GRB2: variants seen among roughly 807,000 people sequenced by gnomAD.
GRB2 encodes the protein growth factor receptor-bound protein 2.
A neutral mutation model predicts 27.4 loss-of-function variants in GRB2; 2 were observed. The observed-to-expected ratio is 0.07, with a 90% confidence interval of 0.03 to 0.23. The LOEUF (loss-of-function observed/expected upper bound fraction) is 0.23. Ranked by LOEUF, GRB2 falls within the 10% of genes least tolerant of loss-of-function variation. The probability of loss-of-function intolerance (pLI) is 1.00; values close to 1 mark genes in which losing one functional copy is unlikely to be tolerated. For missense variants in GRB2, 102 were observed against 282.4 expected, an observed-to-expected ratio of 0.36 and a Z score of 4.58; for synonymous variants, 94 against 99.6, an observed-to-expected ratio of 0.94 and a Z score of 0.33.
Position 75,319,481 on chromosome 17 carries a change from C to T in GRB2, c.*887G>A, listed in dbSNP as rs2078442405. On this transcript the variant is annotated 3_prime_UTR_variant, in exon 6 of 6. Coordinates refer to ENST00000316804, the MANE Select transcript of GRB2 (RefSeq NM_002086.5). ...TTTTTTTTTGAGACGGAATCTCGCT[C>T]TGTCACCCAGGCTGGAGTACAATGG... 6.9e-6 allele frequency: 1 copy of T among 145,850 alleles called. No homozygotes were observed. Among genetic ancestry groups the T allele is most frequent in the South Asian group, 2.2e-4 (1 of 4,622 alleles). 9.0% of individuals were successfully genotyped at this position (145,850 alleles called of 1,614,324 possible). A position where few individuals can be genotyped will look rare whatever the true frequency, so the allele number is the denominator to read the frequency against.
rs549890433 is a variant in GRB2 at position 75,352,336 on chromosome 17, G to C, written c.79-19539C>G. On this transcript the variant is annotated intron_variant, in intron 2 of 5. Coordinates refer to ENST00000316804, the MANE Select transcript of GRB2 (RefSeq NM_002086.5). ...CTCCATGTGAAAAATCAGCACTTTT[G>C]TCCCACAGAACTGTCACAACCTGCA... 2.6e-5 allele frequency among the ~76,000 whole-genome samples: 4 copies of C among 152,304 alleles called. No individual in the cohort carries two copies. In the South Asian group the frequency reaches 8.3e-4, roughly 32 times the overall value.
At chr17:75,368,470 C>T (rs938380869) in intron 2 of GRB2, among the ~76,000 whole-genome samples, 3 of 151,404 alleles carry the variant, frequency 2.0e-5, no homozygotes, top group African/African-American at 7.3e-5. Context: ...GTGATCCATC[C>T]GCCTCAGCCT....
chr17:75,332,816 A>G lies in GRB2; in HGVS notation c.79-19T>C. ...TCAAAACCTGAAAAGAAATAAGACA[A>G]CAAAAAAACCCAATCATTTCCTTTT... is the stretch of plus-strand genomic sequence containing the variant. On this transcript the variant is annotated intron_variant, in intron 2 of 5. Transcript: ENST00000316804. 6.8e-7 allele frequency: 1 copy of G among 1,462,122 alleles called. No individual in the cohort carries two copies. The highest frequency in any genetic ancestry group is 9.5e-7 in the Non-Finnish European group (1 of 1,049,408). The allele number at this position is 1,462,122 out of a possible 1,614,324, so 90.6% of individuals were successfully genotyped here.
At chr17:75,337,889 C>CTAT (rs2078589608) in intron 2 of GRB2, among the ~76,000 whole-genome samples, 3 of 125,414 alleles carry the variant, frequency 2.4e-5, no homozygotes, top group African/African-American at 9.4e-5. Context: ...ACTACTACTA[C>CTAT]TACTACTACT....
chr17:75,329,247 C>T (rs1023785850), intron 3 of GRB2, among the ~76,000 whole-genome samples: 2 of 152,066 alleles, frequency 1.3e-5, no homozygotes, highest in African/African-American at 4.8e-5. Context: ...GATCTCTCCA[C>T]TAGGGAGGTT....
chr17:75,353,758 G>A (rs1283864403), intron 2 of GRB2, among the ~76,000 whole-genome samples: 1 of 148,872 alleles, frequency 6.7e-6, no homozygotes, highest in Non-Finnish European at 1.5e-5. Context: ...AAAAATTCTG[G>A]CCAGGTACAG....
chr17:75,324,105 G>A lies in GRB2; in HGVS notation c.299+1793C>T, dbSNP rs187358363. Among the ~76,000 whole-genome samples the A allele has an allele frequency of 5.9e-4, 89 of 151,112 alleles. 1 individual carries two copies. Among genetic ancestry groups the A allele is most frequent in the Middle Eastern group, 3.4e-3 (1 of 290 alleles). On this transcript the variant is annotated intron_variant, in intron 4 of 5. Transcript: ENST00000316804. ...GATTACAGGCATGAGCCACCATGCC[G>A]GGCCACAACTATAAATTTAAAATCT...
intron 1 of GRB2, among the ~76,000 whole-genome samples, chr17:75,395,163 T>C (rs2079022085): frequency 6.6e-6 from 1 of 152,144 alleles, no homozygotes; most frequent in Non-Finnish European, 1.5e-5. Flanking sequence ...ATGGACCAAG[T>C]AGTAAAGCAG....
chr17:75,325,825 AC>A, intron 4 of GRB2, 72 bp downstream of exon 4: 1 of 1,495,254 alleles, frequency 6.7e-7, no homozygotes, highest in Non-Finnish European at 9.3e-7. Context: ...GTAGCCAGGC[AC>A]CTGACCAACG....
rs1397641340 is a variant in GRB2, at chr17:75,332,762, C to T, written c.114G>A (p.Lys38=). The T allele has an allele frequency of 6.2e-7, 1 of 1,611,896 alleles. No individual in the cohort carries two copies. The highest frequency in any genetic ancestry group is 8.5e-7 in the Non-Finnish European group (1 of 1,178,618). ...LNEECDQNWY[K]AELNGKDGFI... is the part of the protein sequence containing the mutation. ...AGCCGTCTTTTCCATTAAGCTCTGC[C>T]TTGTACCAGTTCTGATCACATTCTT... Residue 38 remains lysine, a synonymous_variant, in exon 3 of 6, where the codon AAG becomes AAA. Coordinates refer to ENST00000316804, the MANE Select transcript of GRB2 (RefSeq NM_002086.5).
intron 2 of GRB2, among the ~76,000 whole-genome samples, chr17:75,365,297 C>CAAAACAAACAA (rs1175535790): frequency 6.6e-6 from 1 of 152,004 alleles, no homozygotes; most frequent in Non-Finnish European, 1.5e-5. Flanking sequence ...TTTCTCAAAA[C>CAAAACAAACAA]AAAACAAACA....
intron 2 of GRB2, among the ~76,000 whole-genome samples, chr17:75,382,176 T>C (rs904148064): frequency 6.0e-5 from 9 of 151,152 alleles, no homozygotes; most frequent in Non-Finnish European, 1.3e-4. Flanking sequence ...TGAGCCGAGA[T>C]CGCGCCACTG....
At chr17:75,328,329 A>AT (rs929509277) in intron 3 of GRB2, among the ~76,000 whole-genome samples, 2 of 151,346 alleles carry the variant, frequency 1.3e-5, no homozygotes, top group Non-Finnish European at 2.9e-5. Context: ...GTCTCAAAAA[A>AT]ATATATAAAT....
intron 2 of GRB2, among the ~76,000 whole-genome samples, chr17:75,336,163 A>T (rs993246696): frequency 7.2e-5 from 11 of 152,266 alleles, no homozygotes; most frequent in Non-Finnish European, 1.3e-4. Context: ...GACCTTATAA[A>T]GCATCATCCT....
chr17:75,337,904 T>TACTACTACTACTACTACTAC (rs758924250), intron 2 of GRB2, among the ~76,000 whole-genome samples: 5 of 103,490 alleles, frequency 4.8e-5, no homozygotes, highest in Non-Finnish European at 7.9e-5. Flanking sequence ...ACTACTACTA[T>TACTACTACTACTACTACTAC]TATTATTATT....
At chr17:75,389,621 C>T (rs546672715) in intron 2 of GRB2, among the ~76,000 whole-genome samples, 2 of 152,196 alleles carry the variant, frequency 1.3e-5, no homozygotes, top group East Asian at 1.9e-4. Flanking sequence ...CCGAGACGGG[C>T]GGATCACCAG....
At chr17:75,348,811 G>C (rs1451081817) in intron 2 of GRB2, among the ~76,000 whole-genome samples, 2 of 152,148 alleles carry the variant, frequency 1.3e-5, no homozygotes, top group Non-Finnish European at 2.9e-5. Flanking sequence ...GAGTAGCTGG[G>C]ACTACAGGTG....
intron 2 of GRB2, among the ~76,000 whole-genome samples, chr17:75,375,782 T>G (rs2078888709): frequency 6.6e-6 from 1 of 151,852 alleles, no homozygotes; most frequent in Admixed American, 6.6e-5. Flanking sequence ...TCCCAACACT[T>G]TGGGAGGCAG....
Position 75,388,811 on chromosome 17 carries a change from T to C in GRB2, c.78+4740A>G, listed in dbSNP as rs1225446716. On this transcript the variant is annotated intron_variant, in intron 2 of 5. Coordinates refer to ENST00000316804, the MANE Select transcript of GRB2 (RefSeq NM_002086.5). ...GCACTGAAACTCAGGACTTATAACTTGTGAAAACTCTAACCAACCAAACTA... is the reference window on the plus strand; with the variant it reads ...GCACTGAAACTCAGGACTTATAACTCGTGAAAACTCTAACCAACCAAACTA... Among the ~76,000 whole-genome samples, 4 of 152,280 alleles carry C rather than the reference T, an allele frequency of 2.6e-5. No homozygotes were observed. In the South Asian group the frequency reaches 8.3e-4, roughly 32 times the overall value.
Sources: gnomAD v4.1 joint callset for allele counts (sites outside exome capture counted in the v4.1 genomes callset) on GRCh38, gnomAD v4.1.1 for gene constraint, MANE v1.5 for transcripts, NCBI Gene and HGNC (gene_info 2026-07-23, HGNC 2026-07-21) for gene names.